The following ARFGAP2 variants were observed in gnomAD, a reference collection of about 807,000 sequenced individuals.
ARFGAP2 encodes ADP-ribosylation factor GTPase-activating protein 2.
In ARFGAP2, 45 loss-of-function variants were observed where a neutral mutation model predicts 71.9. That is an observed-to-expected ratio of 0.63 (90% confidence interval 0.49 to 0.80). The LOEUF is 0.80. ARFGAP2 is among the 30% of genes least tolerant of loss of function. ARFGAP2 has a pLI of 0.00. For missense variants in ARFGAP2, 633 were observed against 673.9 expected (o/e 0.94, Z 0.67); for synonymous variants, 248 against 249.2 (o/e 1.00, Z 0.05).
intron 15 of ARFGAP2, 131 bp from the exon 16 acceptor site, chr11:47,165,633 G>A: frequency 2.0e-6 from 2 of 995,126 alleles, no homozygotes; most frequent in Non-Finnish European, 2.8e-6. Flanking sequence ...ACAGCCCGGT[G>A]AGGCAGGAGT....
chr11:47,173,709 A>G, intron 6 of ARFGAP2, 50 bp downstream of exon 6: 2 of 1,545,036 alleles, frequency 1.3e-6, no homozygotes, highest in Non-Finnish European at 1.8e-6. Context: ...CCAAACCCTG[A>G]GTCCTCTCCT....
At chr11:47,165,624 C>A in intron 15 of ARFGAP2, 122 bp from the exon 16 acceptor site, 1 of 1,132,966 alleles carries the variant, frequency 8.8e-7, no homozygotes, top group South Asian at 1.8e-5. Flanking sequence ...AGGGGCTGGA[C>A]AGCCCGGTGA....
chr11:47,173,063 G>T, intron 7 of ARFGAP2: 1 of 384,756 alleles, frequency 2.6e-6, no homozygotes, highest in Non-Finnish European at 4.9e-6. Flanking sequence ...GCCTTCGGCA[G>T]CTCAGAGCTG....
Position 47,175,292 on chromosome 11 carries a change from C to T in ARFGAP2, c.286G>A (p.Gly96Arg). The change falls in exon 4 of 16, where the codon GGA becomes AGA. Residue 96 changes from glycine to arginine, a missense_variant. Gly to Arg is a moderately radical substitution (Grantham distance 125). Transcript: ENST00000524782. ...GTGTTGGCATCATTGGCTGTGCATCCATGTTGGCGAAAAAAAGCCGTCTGG... is the reference window on the plus strand; with the variant it reads ...GTGTTGGCATCATTGGCTGTGCATCTATGTTGGCGAAAAAAAGCCGTCTGG... ...ANATAFFRQH[G>R]CTANDANTKY... The T allele has an allele frequency of 6.2e-7, 1 of 1,614,128 alleles. No individual in the cohort carries two copies. The highest frequency in any genetic ancestry group is 8.5e-7 in the Non-Finnish European group (1 of 1,180,026).
In ARFGAP2 at chr11:47,165,311, A is replaced by G. The variant is rs2135416296; in HGVS notation, c.*171T>C. The G allele has an allele frequency of 1.4e-6, 1 of 715,112 alleles. No homozygotes were observed. The highest frequency in any genetic ancestry group is 2.9e-5 in the East Asian group (1 of 34,746). The allele number at this position is 715,112 out of a possible 1,614,324, so 44.3% of individuals were successfully genotyped here. A position where few individuals can be genotyped will look rare whatever the true frequency, so the allele number is the denominator to read the frequency against. Reference sequence around the variant, plus strand: ...CCACAGGCAGAGGACAAGGGCTGGTACTGACCATTCCCCTCACAGGAGTGA... The same window carrying G: ...CCACAGGCAGAGGACAAGGGCTGGTGCTGACCATTCCCCTCACAGGAGTGA... On this transcript the variant is annotated 3_prime_UTR_variant, in exon 16 of 16. Transcript: ENST00000524782.
chr11:47,172,836 C>T, intron 7 of ARFGAP2: 1 of 1,228,846 alleles, frequency 8.1e-7, no homozygotes, highest in East Asian at 5.6e-5. Flanking sequence ...CTCTATGAAG[C>T]CCTGCTTCAG....
At position 47,165,512 on chromosome 11, in the gene ARFGAP2, AG is replaced by A. The variant is rs758916923; in HGVS notation, c.1546-11del. The A allele has an allele frequency of 6.0e-6, 9 of 1,501,614 alleles. No individual in the cohort carries two copies. Among genetic ancestry groups the A allele is most frequent in the Admixed American group, 2.2e-5 (1 of 46,472 alleles). 93.0% of individuals were successfully genotyped at this position (1,501,614 alleles called of 1,614,324 possible). ...AGGAACCGTAGCGATCCTGGGGGCG[AG>A]GGGGGAGAAAAAAAAAAAAAAAGTC... On this transcript the variant is annotated splice_polypyrimidine_tract_variant and intron_variant, in intron 15 of 15. Coordinates refer to ENST00000524782, the MANE Select transcript of ARFGAP2 (RefSeq NM_032389.6).
chr11:47,165,348 G>T lies in ARFGAP2; in HGVS notation c.*134C>A. On this transcript the variant is annotated 3_prime_UTR_variant, in exon 16 of 16. Coordinates refer to ENST00000524782, the MANE Select transcript of ARFGAP2 (RefSeq NM_032389.6). ...CCTCACAGGAGTGAGCGCCTCAAAG[G>T]CCACCCCACACACACACCACACATA... is the stretch of plus-strand genomic sequence containing the variant. 8.2e-7 allele frequency: 1 copy of T among 1,214,356 alleles called. No individual in the cohort carries two copies. The allele number at this position is 1,214,356 out of a possible 1,614,324, so 75.2% of individuals were successfully genotyped here. A position where few individuals can be genotyped will look rare whatever the true frequency, so the allele number is the denominator to read the frequency against.
intron 10 of ARFGAP2, among the ~76,000 whole-genome samples, chr11:47,170,054 G>A (rs746704677): frequency 3.3e-5 from 5 of 152,154 alleles, no homozygotes; most frequent in Admixed American, 6.5e-5. Context: ...ACTGGGCGCC[G>A]TGGCTCACAC....
chr11:47,166,681 A>T, intron 13 of ARFGAP2, 79 bp downstream of exon 13: 1 of 1,598,496 alleles, frequency 6.3e-7, no homozygotes, highest in South Asian at 1.1e-5. Context: ...TCCTGGTGCT[A>T]AAGCCCAAAG....
chr11:47,175,832 G>A lies in ARFGAP2; in HGVS notation c.264+19C>T, dbSNP rs1340044179. 7 of 1,613,966 alleles carry A rather than the reference G, an allele frequency of 4.3e-6. No homozygotes were observed. Among genetic ancestry groups the A allele is most frequent in the South Asian group, 2.2e-5 (2 of 91,090 alleles). ...CCAGGCAGAAGAATGGAAGGTGAGG[G>A]AAGTAGAAGGAGCTTTACCGCATTG... is the stretch of plus-strand genomic sequence containing the variant. On this transcript the variant is annotated intron_variant, in intron 3 of 15. Transcript: ENST00000524782.
Position 47,164,844 on chromosome 11 carries a change from CG to C in ARFGAP2, c.*637del, listed in dbSNP as rs1022126397. On this transcript the variant is annotated 3_prime_UTR_variant, in exon 16 of 16. Coordinates refer to ENST00000524782, the MANE Select transcript of ARFGAP2 (RefSeq NM_032389.6). ...CTTACTGTAGAAAGGGGTGGTGAGA[CG>C]GGAGAACCCAAGGGTCTCCGGTCTG... 6.6e-6 allele frequency: 1 copy of C among 152,342 alleles called. No homozygotes were observed. The highest frequency in any genetic ancestry group is 2.4e-5 in the African/African-American group (1 of 41,418). 9.4% of individuals were successfully genotyped at this position (152,342 alleles called of 1,614,324 possible).
At chr11:47,173,652 G>T in intron 6 of ARFGAP2, 107 bp downstream of exon 6, 1 of 1,446,146 alleles carries the variant, frequency 6.9e-7, no homozygotes, top group African/African-American at 1.4e-5. Flanking sequence ...CCCACCCAAA[G>T]ATACAGGAGG....
intron 8 of ARFGAP2, 94 bp from the exon 9 acceptor site, chr11:47,171,894 G>A: frequency 6.6e-7 from 1 of 1,519,836 alleles, no homozygotes; most frequent in Admixed American, 2.1e-5. Context: ...CAAGGAAAAG[G>A]CCCTTCTTAA....
chr11:47,166,807 T>G lies in ARFGAP2; in HGVS notation c.1285A>C (p.Lys429Gln). The change falls in exon 13 of 16, where the codon AAA (lysine) becomes CAA (glutamine). Residue 429 changes from lysine to glutamine, a missense_variant. Physicochemically the swap from Lys to Gln is moderately conservative, Grantham distance 53. Coordinates refer to ENST00000524782, the MANE Select transcript of ARFGAP2 (RefSeq NM_032389.6). ...AAGAACATGTCAGATGAGATGGCTT[T>G]GGCTCCTGCGAATTTCTGACGCGCC... Reference protein sequence around the residue: ...SEARQKFAGAKAISSDMFFGR... With the variant: ...SEARQKFAGAQAISSDMFFGR... The G allele has an allele frequency of 6.2e-7, 1 of 1,614,174 alleles. No homozygotes were observed. Among genetic ancestry groups the G allele is most frequent in the Non-Finnish European group, 8.5e-7 (1 of 1,180,046 alleles).
chr11:47,172,142 C>T (rs186653669), intron 8 of ARFGAP2, 139 bp downstream of exon 8: 1 of 898,878 alleles, frequency 1.1e-6, no homozygotes, highest in Admixed American at 2.2e-5. Flanking sequence ...TCTTTAAATC[C>T]CTTTCACAGG....
Position 47,171,657 on chromosome 11 carries a change from C to T in ARFGAP2, c.809+7G>A. 1 of 1,613,848 alleles carries T rather than the reference C, an allele frequency of 6.2e-7. No homozygotes were observed. The highest frequency in any genetic ancestry group is 8.5e-7 in the Non-Finnish European group (1 of 1,180,042). ...AGAAGCCTGAGGCCCCGGCAGCAAA[C>T]ACTTACATGGACTCCTCCGCCTGCT... is the stretch of plus-strand genomic sequence containing the variant. On this transcript the variant is annotated splice_region_variant and intron_variant, in intron 9 of 15. Coordinates refer to ENST00000524782, the MANE Select transcript of ARFGAP2 (RefSeq NM_032389.6).
At chr11:47,172,143 CT>C in intron 8 of ARFGAP2, 137 bp downstream of exon 8, 1 of 915,046 alleles carries the variant, frequency 1.1e-6, no homozygotes, top group African/African-American at 1.7e-5. Context: ...CTTTAAATCC[CT>C]TTCACAGGCG....
At chr11:47,165,578 G>A (rs1952322479) in intron 15 of ARFGAP2, 76 bp from the exon 16 acceptor site, 5 of 1,439,796 alleles carry the variant, frequency 3.5e-6, no homozygotes, top group East Asian at 2.5e-5. Flanking sequence ...CAAACACACT[G>A]CCTGCCCCAG....
Sources: allele counts gnomAD v4.1 joint callset (sites outside exome capture counted in the v4.1 genomes callset), GRCh38; gene constraint gnomAD v4.1.1; transcripts MANE v1.5; gene names NCBI Gene and HGNC (gene_info 2026-07-23, HGNC 2026-07-21).